Variants in ENOX1 observed in about 807,000 individuals in gnomAD.
ENOX1 encodes candidate growth-related and time keeping constitutive hydroquinone (NADH) oxidase.
Under a neutral mutation model 82.5 loss-of-function variants are expected in ENOX1, and 42 were observed. The observed-to-expected ratio is 0.51, with a 90% CI of 0.40 to 0.66. The LOEUF (loss-of-function observed/expected upper bound fraction) is 0.66, where lower values mean the gene tolerates loss of function less well. ENOX1 is among the 30% of genes least tolerant of loss of function. The pLI is 0.00. For synonymous variants in ENOX1, 271 were observed against 282.2 expected (o/e 0.96, Z 0.40); for missense variants, 608 against 811.6 (o/e 0.75, Z 3.05).
intron 11 of ENOX1, among the ~76,000 whole-genome samples, chr13:43,302,926 T>C (rs1369163116): frequency 6.6e-6 from 1 of 152,248 alleles, no homozygotes; most frequent in Non-Finnish European, 1.5e-5. Context: ...TTAATATCTT[T>C]TTCATGCTCA....
At chr13:43,616,134 C>CTATAGATATATATAGATATATAGA (rs1566641081) in intron 2 of ENOX1, among the ~76,000 whole-genome samples, 1 of 18,056 alleles carries the variant, frequency 5.5e-5, no homozygotes, top group Non-Finnish European at 1.2e-4. Context: ...AGATATCTAT[C>CTATAGATATATATAGATATATAGA]TATCTAGATA....
chr13:43,222,710 G>A (rs1257221853), intron 16 of ENOX1, among the ~76,000 whole-genome samples: 6 of 152,182 alleles, frequency 3.9e-5, no homozygotes, highest in African/African-American at 1.4e-4. Flanking sequence ...CCAGGCAAAG[G>A]TGGTGGTGAT....
At chr13:43,588,905 T>C (rs2081113559) in intron 2 of ENOX1, among the ~76,000 whole-genome samples, 1 of 152,154 alleles carries the variant, frequency 6.6e-6, no homozygotes, top group Non-Finnish European at 1.5e-5. Flanking sequence ...CTCTTAACCA[T>C]ATGCACTTGC....
intron 3 of ENOX1, among the ~76,000 whole-genome samples, chr13:43,476,667 T>A (rs1009366187): frequency 6.6e-6 from 1 of 152,152 alleles, no homozygotes; most frequent in African/African-American, 2.4e-5. Context: ...TATAGTTGAT[T>A]GAGATATAAC....
intron 2 of ENOX1, among the ~76,000 whole-genome samples, chr13:43,574,465 A>G (rs2080327361): frequency 6.6e-6 from 1 of 152,206 alleles, no homozygotes; most frequent in South Asian, 2.1e-4. Flanking sequence ...CCTTCATTGT[A>G]CAATACATTA....
At chr13:43,667,417 C>T in intron 2 of ENOX1, 62 bp downstream of exon 2, 1 of 972,474 alleles carries the variant, frequency 1.0e-6, no homozygotes, top group Non-Finnish European at 1.2e-6. Flanking sequence ...TAAACTACAT[C>T]CCTTCCCATA....
In ENOX1 at chr13:43,571,772, G is replaced by A. The variant is rs143981449; in HGVS notation, c.-218-87620C>T. 1.6e-3 allele frequency among the ~76,000 whole-genome samples: 238 copies of A among 152,154 alleles called. 1 individual carries two copies. Among genetic ancestry groups the A allele is most frequent in the Admixed American group, 7.9e-4 (12 of 15,282 alleles). ...GTTGTTTAAAAATAGAGAAATATAAGACCTCCAATTCCTCATCTGTGAGGT... is the reference window on the plus strand; with the variant it reads ...GTTGTTTAAAAATAGAGAAATATAAAACCTCCAATTCCTCATCTGTGAGGT... On this transcript the variant is annotated intron_variant, in intron 2 of 16. Coordinates refer to ENST00000690772, the MANE Select transcript of ENOX1 (RefSeq NM_001347969.2).
chr13:43,422,145 A>T (rs1251836286), intron 3 of ENOX1, among the ~76,000 whole-genome samples: 1 of 152,144 alleles, frequency 6.6e-6, no homozygotes, highest in Non-Finnish European at 1.5e-5. Context: ...AATCTGTCAG[A>T]TCTTTCAAGA....
At chr13:43,717,467 C>T (rs7317965) in intron 1 of ENOX1, among the ~76,000 whole-genome samples, 17,418 of 152,078 alleles carry the variant, frequency 0.11, 1,806 homozygotes, top group African/African-American at 0.27. Context: ...AATCCCTTCT[C>T]AACATTGGCT....
In ENOX1 at chr13:43,246,878, G is replaced by A. The variant is rs538057813; in HGVS notation, c.1612-10140C>T. On this transcript the variant is annotated intron_variant, in intron 14 of 16. Coordinates refer to ENST00000690772, the MANE Select transcript of ENOX1 (RefSeq NM_001347969.2). ...GAAAAGGTGGATAGAGAAGCCATTC[G>A]GAAGGAATGGAAAGAAGCCATTCTG... Among the ~76,000 whole-genome samples, 128 of 152,234 alleles carry A rather than the reference G, an allele frequency of 8.4e-4. 1 individual carries two copies. The highest frequency in any genetic ancestry group is 2.8e-3 in the African/African-American group (118 of 41,534).
intron 1 of ENOX1, among the ~76,000 whole-genome samples, chr13:43,685,565 AG>A: frequency 6.6e-6 from 1 of 152,232 alleles, no homozygotes; most frequent in South Asian, 2.1e-4. Context: ...GCCCTAAAAT[AG>A]GTAAGGCCTG....
intron 12 of ENOX1, 47 bp downstream of exon 12, chr13:43,298,299 A>G: frequency 1.3e-6 from 2 of 1,520,350 alleles, no homozygotes; most frequent in Non-Finnish European, 1.7e-6. Context: ...CATTTAATAC[A>G]CATATCTCTT....
intron 2 of ENOX1, among the ~76,000 whole-genome samples, chr13:43,531,370 T>A (rs2078205481): frequency 6.6e-6 from 1 of 151,740 alleles, no homozygotes; most frequent in South Asian, 2.1e-4. Context: ...AAAACCACAA[T>A]GAGACACCAT....
intron 5 of ENOX1, among the ~76,000 whole-genome samples, chr13:43,361,790 C>G (rs1326500210): frequency 6.6e-6 from 1 of 151,850 alleles, no homozygotes; most frequent in Non-Finnish European, 1.5e-5. Flanking sequence ...TTGTTTATAC[C>G]ACCTTATGAC....
chr13:43,554,437 C>T (rs1251804869), intron 2 of ENOX1, among the ~76,000 whole-genome samples: 2 of 152,172 alleles, frequency 1.3e-5, no homozygotes, highest in African/African-American at 4.8e-5. Context: ...TTACAAAGTA[C>T]TTGGGCATTC....
chr13:43,719,346 C>CACACACACACACACACAA, intron 1 of ENOX1, among the ~76,000 whole-genome samples: 1 of 149,982 alleles, frequency 6.7e-6, no homozygotes, highest in African/African-American at 2.5e-5. Context: ...CACACACACA[C>CACACACACACACACACAA]ACCAGCAATC....
At chr13:43,287,071 T>TG (rs1247645320) in intron 12 of ENOX1, among the ~76,000 whole-genome samples, 2 of 152,156 alleles carry the variant, frequency 1.3e-5, no homozygotes, top group African/African-American at 4.8e-5. Flanking sequence ...TGACTCTACA[T>TG]GGTGTACCTG....
At chr13:43,265,279 C>A in intron 14 of ENOX1, 119 bp downstream of exon 14, 1 of 797,874 alleles carries the variant, frequency 1.3e-6, no homozygotes, top group Non-Finnish European at 2.0e-6. Context: ...ATATATTAAT[C>A]TTAAGCTGCT....
intron 2 of ENOX1, among the ~76,000 whole-genome samples, chr13:43,486,265 T>C (rs1479470190): frequency 6.6e-6 from 1 of 151,898 alleles, no homozygotes; most frequent in Non-Finnish European, 1.5e-5. Context: ...CACCTATTAA[T>C]CCTGGCTACT....
Sources: allele counts gnomAD v4.1 joint callset (sites outside exome capture counted in the v4.1 genomes callset), GRCh38; gene constraint gnomAD v4.1.1; transcripts MANE v1.5; gene names NCBI Gene and HGNC (gene_info 2026-07-23, HGNC 2026-07-21).